The following TMEM132B variants were observed in gnomAD, a reference collection of about 807,000 sequenced individuals.
The protein encoded by TMEM132B is transmembrane protein 132B.
A neutral mutation model predicts 90.8 loss-of-function variants in TMEM132B; 18 were observed. That is an observed-to-expected ratio of 0.20 (90% CI 0.14 to 0.29). The LOEUF is 0.29. Among genes scored for constraint, TMEM132B ranks in the 10% least tolerant of loss-of-function variants. TMEM132B has a pLI of 1.00. For missense variants in TMEM132B, 1,096 were observed against 1,326.8 expected (o/e 0.83, Z 2.70); for synonymous variants, 504 against 523.3 (o/e 0.96, Z 0.50).
intron 1 of TMEM132B, among the ~76,000 whole-genome samples, chr12:125,189,463 G>A (rs548295073): frequency 1.3e-5 from 2 of 152,284 alleles, no homozygotes; most frequent in Non-Finnish European, 2.9e-5. Context: ...TCAGGGCAGA[G>A]GCTCTCTTCC....
At chr12:125,235,931 G>A (rs1873926036) in intron 1 of TMEM132B, among the ~76,000 whole-genome samples, 1 of 151,442 alleles carries the variant, frequency 6.6e-6, no homozygotes, top group African/African-American at 2.4e-5. Flanking sequence ...AGCCTCCCGA[G>A]TAGCTGGGGC....
intron 1 of TMEM132B, among the ~76,000 whole-genome samples, chr12:125,243,569 G>A (rs556427594): frequency 6.6e-6 from 1 of 152,126 alleles, no homozygotes; most frequent in Admixed American, 6.5e-5. Context: ...GCCTCCCAAA[G>A]TGCTGGGACT....
chr12:125,207,713 C>T (rs1873214790), intron 1 of TMEM132B, among the ~76,000 whole-genome samples: 1 of 152,236 alleles, frequency 6.6e-6, no homozygotes, highest in Non-Finnish European at 1.5e-5. Context: ...ATGGAAACCC[C>T]ATACCCATTA....
intron 3 of TMEM132B, among the ~76,000 whole-genome samples, chr12:125,423,018 C>A (rs915868105): frequency 2.6e-5 from 4 of 152,164 alleles, no homozygotes; most frequent in African/African-American, 9.7e-5. Context: ...GCCCATCAGT[C>A]ACCTGGGAGT....
At chr12:125,197,008 CTTTTA>C (rs1324233721) in intron 1 of TMEM132B, among the ~76,000 whole-genome samples, 1 of 152,052 alleles carries the variant, frequency 6.6e-6, no homozygotes, top group Non-Finnish European at 1.5e-5. Flanking sequence ...TTTTAATTAA[CTTTTA>C]TTTTAAGTTC....
Position 125,401,542 on chromosome 12 carries a change from G to A in TMEM132B, c.960-13989G>A, listed in dbSNP as rs541927320. Among the ~76,000 whole-genome samples the A allele has an allele frequency of 1.1e-4, 16 of 152,306 alleles. No homozygotes were observed. The South Asian group carries it at 1.5e-3, about 14-fold the overall frequency. ...TAGGGAATGAGTCATGGTGGTGTCT[G>A]TGGGAGAGGCTTCCAGGCAGGGGGA... On this transcript the variant is annotated intron_variant, in intron 2 of 8. Coordinates refer to ENST00000682704, the MANE Select transcript of TMEM132B (RefSeq NM_001366854.1).
At chr12:125,296,296 C>T (rs777980062) in intron 1 of TMEM132B, among the ~76,000 whole-genome samples, 3 of 152,258 alleles carry the variant, frequency 2.0e-5, no homozygotes, top group East Asian at 1.9e-4. Flanking sequence ...GCACCTCCCA[C>T]CTCCGGGCTT....
rs1221404287 is a variant in TMEM132B at position 125,658,318 on chromosome 12, T to C, written c.*3608T>C. Reference sequence around the variant, plus strand: ...TTTGGTAGCATTCTTGTTTCATTATTTTAGAAAGGGGTCTTCCCATTACTG... The same window carrying C: ...TTTGGTAGCATTCTTGTTTCATTATCTTAGAAAGGGGTCTTCCCATTACTG... On this transcript the variant is annotated 3_prime_UTR_variant, in exon 9 of 9. Coordinates refer to ENST00000682704, the MANE Select transcript of TMEM132B (RefSeq NM_001366854.1). 1.3e-5 allele frequency: 2 copies of C among 152,258 alleles called. No individual in the cohort carries two copies. The highest frequency in any genetic ancestry group is 2.9e-5 in the Non-Finnish European group (2 of 68,048). The allele number at this position is 152,258 out of a possible 1,614,324, so 9.4% of individuals were successfully genotyped here. A position where few individuals can be genotyped will look rare whatever the true frequency, so the allele number is the denominator to read the frequency against.
chr12:125,447,605 C>G (rs1393954900), intron 3 of TMEM132B, among the ~76,000 whole-genome samples: 1 of 151,936 alleles, frequency 6.6e-6, no homozygotes, highest in African/African-American at 2.4e-5. Context: ...TCTTTTTTGC[C>G]TCTTTCTTTC....
intron 1 of TMEM132B, among the ~76,000 whole-genome samples, chr12:125,284,571 C>A (rs145215212): frequency 6.6e-6 from 1 of 152,140 alleles, no homozygotes; most frequent in Non-Finnish European, 1.5e-5. Context: ...TGCCAGTTTG[C>A]GTAGCATTGT....
chr12:125,287,430 A>G (rs1350733834), intron 1 of TMEM132B, among the ~76,000 whole-genome samples: 1 of 152,188 alleles, frequency 6.6e-6, no homozygotes, highest in African/African-American at 2.4e-5. Context: ...CACATAATTT[A>G]AATTATTTCA....
At chr12:125,312,814 C>T (rs1325133393) in intron 1 of TMEM132B, among the ~76,000 whole-genome samples, 3 of 152,190 alleles carry the variant, frequency 2.0e-5, no homozygotes, top group African/African-American at 7.2e-5. Flanking sequence ...ATCCTGCTGT[C>T]TTCTGTGCTA....
chr12:125,615,394 C>T (rs1885962693), intron 5 of TMEM132B, among the ~76,000 whole-genome samples: 1 of 151,618 alleles, frequency 6.6e-6, no homozygotes, highest in Non-Finnish European at 1.5e-5. Flanking sequence ...GCTCTGTTCA[C>T]TTGTATTGAT....
rs1887057364 is a variant in TMEM132B at position 125,656,239 on chromosome 12, A to G, written c.*1529A>G. ...GCCTCATTATGAGCTTTACTGAGCC[A>G]TTTGCATCTCTAAGAAATATGATTT... On this transcript the variant is annotated 3_prime_UTR_variant, in exon 9 of 9. Coordinates refer to ENST00000682704, the MANE Select transcript of TMEM132B (RefSeq NM_001366854.1). The G allele has an allele frequency of 6.6e-6, 1 of 152,230 alleles. No homozygotes were observed. 9.4% of individuals were successfully genotyped at this position (152,230 alleles called of 1,614,324 possible).
chr12:125,379,389 G>A (rs1169454874), intron 2 of TMEM132B, among the ~76,000 whole-genome samples: 3 of 152,148 alleles, frequency 2.0e-5, no homozygotes, highest in South Asian at 4.1e-4. Flanking sequence ...GCAGGAAGGG[G>A]CCACAAGCCA....
chr12:125,356,915 C>A (rs1283116567), intron 2 of TMEM132B, among the ~76,000 whole-genome samples: 1 of 152,206 alleles, frequency 6.6e-6, no homozygotes, highest in Non-Finnish European at 1.5e-5. Context: ...GATTTTTTGA[C>A]CTACTATATT....
chr12:125,317,893 G>A (rs761987491), intron 1 of TMEM132B, among the ~76,000 whole-genome samples: 1 of 152,192 alleles, frequency 6.6e-6, no homozygotes, highest in Non-Finnish European at 1.5e-5. Context: ...TAAACACGAA[G>A]ACGTGTGTGA....
intron 2 of TMEM132B, among the ~76,000 whole-genome samples, chr12:125,360,334 A>G (rs1877920581): frequency 6.6e-6 from 1 of 152,242 alleles, no homozygotes; most frequent in African/African-American, 2.4e-5. Flanking sequence ...TATAAAGTAA[A>G]ACACTGTTTC....
chr12:125,505,166 C>CAA (rs71306287), intron 3 of TMEM132B, among the ~76,000 whole-genome samples: 2,012 of 28,510 alleles, frequency 0.071, 583 homozygotes, highest in Non-Finnish European at 0.1. Context: ...CACCAGAGGA[C>CAA]AAAAAAAAAA....
Sources: gnomAD v4.1 joint callset for allele counts (sites outside exome capture counted in the v4.1 genomes callset) on GRCh38, gnomAD v4.1.1 for gene constraint, MANE v1.5 for transcripts, NCBI Gene and HGNC (gene_info 2026-07-23, HGNC 2026-07-21) for gene names.